The following ESR1 variants were observed in gnomAD, a reference collection of about 807,000 sequenced individuals.
The protein encoded by ESR1 is estrogen receptor.
In ESR1, 12 loss-of-function variants were observed where a neutral mutation model predicts 52.7. The observed-to-expected ratio is 0.23, with a 90% CI of 0.15 to 0.37. ESR1 has a LOEUF of 0.37. Among genes scored for constraint, ESR1 ranks in the 10% least tolerant of loss-of-function variants. ESR1 has a pLI of 1.00. For synonymous variants in ESR1, 305 were observed against 316.8 expected, an observed-to-expected ratio of 0.96 and a Z score of 0.39; for missense variants, 584 against 779.7, an observed-to-expected ratio of 0.75 and a Z score of 2.99.
chr6:152,065,850 TC>T (rs2047924430), intron 6 of ESR1, among the ~76,000 whole-genome samples: 1 of 152,162 alleles, frequency 6.6e-6, no homozygotes, highest in South Asian at 2.1e-4. Flanking sequence ...CCAAAACTGA[TC>T]CTCAGACAAC....
chr6:152,088,750 C>T (rs2049946698), intron 6 of ESR1, among the ~76,000 whole-genome samples: 1 of 152,194 alleles, frequency 6.6e-6, no homozygotes, highest in Non-Finnish European at 1.5e-5. Flanking sequence ...ACCTCCATAA[C>T]TGTAGGAAAT....
At chr6:151,948,614 G>A (rs945013943) in intron 4 of ESR1, among the ~76,000 whole-genome samples, 3 of 151,966 alleles carry the variant, frequency 2.0e-5, no homozygotes, top group Non-Finnish European at 4.4e-5. Context: ...CTTTCCTGCC[G>A]AGTCCCCCTC....
At chr6:152,075,145 T>TGAGGGAAAGTTG (rs2048637581) in intron 6 of ESR1, among the ~76,000 whole-genome samples, 1 of 152,214 alleles carries the variant, frequency 6.6e-6, no homozygotes, top group Admixed American at 6.5e-5. Flanking sequence ...CACAGGGTAG[T>TGAGGGAAAGTTG]GAGGGAAAGT....
At chr6:151,909,213 C>G (rs1277639162) in intron 3 of ESR1, among the ~76,000 whole-genome samples, 1 of 152,174 alleles carries the variant, frequency 6.6e-6, no homozygotes, top group Non-Finnish European at 1.5e-5. Flanking sequence ...ACAGGGCAGT[C>G]AAGCTCAAGG....
intron 1 of ESR1, among the ~76,000 whole-genome samples, chr6:151,680,812 G>C (rs937169549): frequency 6.6e-6 from 1 of 152,124 alleles, no homozygotes; most frequent in Non-Finnish European, 1.5e-5. Flanking sequence ...AACAATGCCT[G>C]GCACATGGTA....
At chr6:151,889,433 C>T (rs1304536717) in intron 3 of ESR1, among the ~76,000 whole-genome samples, 1 of 152,078 alleles carries the variant, frequency 6.6e-6, no homozygotes. Flanking sequence ...TCCAAGTTAT[C>T]CAAGTTGTTG....
chr6:151,672,276 A>T (rs979697848), intron 1 of ESR1, among the ~76,000 whole-genome samples: 1 of 152,138 alleles, frequency 6.6e-6, no homozygotes, highest in South Asian at 2.1e-4. Context: ...TTATTTGTCA[A>T]TTAAAAAAAA....
At position 152,103,019 on chromosome 6, in the gene ESR1, T is replaced by C. The variant is rs2152511432; in HGVS notation, c.*4053T>C. The C allele has an allele frequency of 4.5e-6, 1 of 221,588 alleles. No individual in the cohort carries two copies. The highest frequency in any genetic ancestry group is 2.2e-5 in the African/African-American group (1 of 44,798). The allele number at this position is 221,588 out of a possible 1,614,324, so 13.7% of individuals were successfully genotyped here. A position where few individuals can be genotyped will look rare whatever the true frequency, so the allele number is the denominator to read the frequency against. On this transcript the variant is annotated 3_prime_UTR_variant, in exon 8 of 8. Transcript: ENST00000206249. Reference sequence around the variant, plus strand: ...GTGATAAACAATGCTTTTTGTGCACTACATACTCTTCAGTGTAGAGCTCTT... The same window carrying C: ...GTGATAAACAATGCTTTTTGTGCACCACATACTCTTCAGTGTAGAGCTCTT...
At chr6:151,741,471 A>AGTTCATTT (rs1305525839) in intron 2 of ESR1, among the ~76,000 whole-genome samples, 1 of 152,202 alleles carries the variant, frequency 6.6e-6, no homozygotes, top group East Asian at 1.9e-4. Context: ...CTTCAAGCAT[A>AGTTCATTT]GTTCATTTAC....
chr6:151,800,627 A>T (rs1272038124), upstream of ESR1, among the ~76,000 whole-genome samples: 1 of 152,112 alleles, frequency 6.6e-6, no homozygotes, highest in Admixed American at 6.5e-5. Context: ...CCCCAACCCC[A>T]CACTGAGAAA....
intron 3 of ESR1, among the ~76,000 whole-genome samples, chr6:151,898,202 G>T (rs1795849276): frequency 6.6e-6 from 1 of 152,076 alleles, no homozygotes; most frequent in African/African-American, 2.4e-5. Flanking sequence ...GAATTTTTCA[G>T]GTGTTATTTG....
chr6:152,059,713 A>C (rs1006624134), intron 5 of ESR1, among the ~76,000 whole-genome samples: 1 of 152,222 alleles, frequency 6.6e-6, no homozygotes, highest in Non-Finnish European at 1.5e-5. Context: ...TCTACTTCCA[A>C]GAATTTATTC....
chr6:151,966,744 A>G (rs1186873901), intron 4 of ESR1, among the ~76,000 whole-genome samples: 2 of 152,138 alleles, frequency 1.3e-5, no homozygotes, highest in Non-Finnish European at 2.9e-5. Context: ...AACTTTTTAT[A>G]TCCTGCAATA....
At chr6:151,802,107 A>T (rs553758116), upstream of ESR1, among the ~76,000 whole-genome samples, 1 of 152,366 alleles carries the variant, frequency 6.6e-6, no homozygotes, top group African/African-American at 2.4e-5. Flanking sequence ...TGTCAAATTC[A>T]TCAAATGGTA....
chr6:151,710,438 C>G (rs1462411034), intron 2 of ESR1, among the ~76,000 whole-genome samples: 2 of 151,836 alleles, frequency 1.3e-5, no homozygotes, highest in Non-Finnish European at 1.5e-5. Flanking sequence ...ATAACAAACC[C>G]GAACCAACAA....
chr6:151,960,190 T>G (rs965104684), intron 4 of ESR1, among the ~76,000 whole-genome samples: 11 of 152,214 alleles, frequency 7.2e-5, no homozygotes, highest in African/African-American at 2.7e-4. Flanking sequence ...CATTCGGCAC[T>G]TTTCACTGGA....
At chr6:151,695,593 T>C (rs896342737) in intron 1 of ESR1, among the ~76,000 whole-genome samples, 23 of 152,246 alleles carry the variant, frequency 1.5e-4, no homozygotes, top group Non-Finnish European at 2.8e-4. Context: ...TGCAAACGGA[T>C]GATCTGCATT....
intron 2 of ESR1, among the ~76,000 whole-genome samples, chr6:151,734,611 G>T (rs1393426939): frequency 6.6e-6 from 1 of 151,928 alleles, no homozygotes; most frequent in African/African-American, 2.4e-5. Flanking sequence ...CCTGTATAAG[G>T]GCAAAGCTAA....
intron 4 of ESR1, among the ~76,000 whole-genome samples, chr6:151,987,050 ACC>A (rs1279183945): frequency 2.6e-5 from 4 of 151,914 alleles, no homozygotes; most frequent in Non-Finnish European, 5.9e-5. Context: ...CTACTCTGAG[ACC>A]TTGGTCTTTT....
Sources: gnomAD v4.1 joint callset for allele counts (sites outside exome capture counted in the v4.1 genomes callset) on GRCh38, gnomAD v4.1.1 for gene constraint, MANE v1.5 for transcripts, NCBI Gene and HGNC (gene_info 2026-07-23, HGNC 2026-07-21) for gene names.